PTPRB: variants seen among roughly 807,000 people sequenced by gnomAD.
PTPRB encodes protein tyrosine phosphatase receptor type B, also known as receptor-type tyrosine-protein phosphatase beta.
Under a neutral mutation model 238.1 loss-of-function variants are expected in PTPRB, and 97 were observed. That is an observed-to-expected ratio of 0.41 (90% CI 0.35 to 0.48). The LOEUF (loss-of-function observed/expected upper bound fraction) is 0.48. Among genes scored for constraint, PTPRB ranks in the 20% least tolerant of loss-of-function variants. PTPRB has a pLI of 0.30. For synonymous variants in PTPRB, 970 were observed against 995.4 expected (o/e 0.97, Z 0.48); for missense variants, 2,292 against 2,681.9 (o/e 0.85, Z 3.21).
intron 20 of PTPRB, among the ~76,000 whole-genome samples, chr12:70,553,326 T>C (rs1266520648): frequency 2.6e-5 from 4 of 152,178 alleles, no homozygotes; most frequent in Non-Finnish European, 5.9e-5. Context: ...CTCCAGAGTG[T>C]TGGACAACTC....
chr12:70,541,360 TTG>T (rs1875080117), intron 22 of PTPRB: 2 of 157,954 alleles, frequency 1.3e-5, no homozygotes, highest in African/African-American at 4.8e-5. Context: ...AGTGGATTGC[TTG>T]GAGCTATTCT....
intron 13 of PTPRB, among the ~76,000 whole-genome samples, chr12:70,570,377 C>G (rs56085184): frequency 0.21 from 32,407 of 151,904 alleles, 3,818 homozygotes; most frequent in African/African-American, 0.32. Context: ...GGTAGGGTCT[C>G]TGTCTGTTGT....
At chr12:70,595,770 G>A (rs1882955943) in intron 5 of PTPRB, among the ~76,000 whole-genome samples, 1 of 152,142 alleles carries the variant, frequency 6.6e-6, no homozygotes, top group Non-Finnish European at 1.5e-5. Context: ...TGAGTTAGAA[G>A]GGCCATTAGG....
chr12:70,571,069 A>T lies in PTPRB; in HGVS notation c.3327T>A (p.Ile1109=), dbSNP rs759122884. Residue 1109 remains isoleucine (I), a synonymous_variant, in exon 13 of 34, where the codon ATT becomes ATA. Coordinates refer to ENST00000334414, the MANE Select transcript of PTPRB (RefSeq NM_001109754.4). ...AGGCTGACTGCTGTACATCCCCGCT[A>T]ATCGTCAAGACAAGAATTTTGTATT... is the stretch of plus-strand genomic sequence containing the variant. ...GRQYKILVLT[I]SGDVQQSAFI... is the part of the protein sequence containing the mutation. The T allele has an allele frequency of 1.2e-6, 2 of 1,613,858 alleles. No individual in the cohort carries two copies. The highest frequency in any genetic ancestry group is 2.7e-5 in the African/African-American group (2 of 74,918).
chr12:70,623,224 A>C (rs1004779638), intron 2 of PTPRB, among the ~76,000 whole-genome samples: 1 of 152,176 alleles, frequency 6.6e-6, no homozygotes, highest in Admixed American at 6.5e-5. Flanking sequence ...TGAGTTACAA[A>C]TGATGAGACT....
rs377315655 is a variant in PTPRB, at chr12:70,615,167, C to T, written c.709-5828G>A. On this transcript the variant is annotated intron_variant, in intron 3 of 33. Coordinates refer to ENST00000334414, the MANE Select transcript of PTPRB (RefSeq NM_001109754.4). ...ACATTAAAATAAACAATGAATGCTGCGCAGTCGGTAAAATTAGAGAATGAC... is the reference window on the plus strand; with the variant it reads ...ACATTAAAATAAACAATGAATGCTGTGCAGTCGGTAAAATTAGAGAATGAC... 8.7e-4 allele frequency among the ~76,000 whole-genome samples: 132 copies of T among 152,250 alleles called. 1 individual carries two copies. The highest frequency in any genetic ancestry group is 3.0e-3 in the African/African-American group (124 of 41,544).
rs1041503497 is a variant in PTPRB, at chr12:70,581,358, T to G, written c.2312-56A>C. ...GACACTTAGTCACCTTAAGAAAGTG[T>G]AAGAAAAATGAGTCAAAAAATGGAG... On this transcript the variant is annotated intron_variant, in intron 9 of 33. Transcript: ENST00000334414. 4.6e-6 allele frequency: 7 copies of G among 1,510,914 alleles called. No homozygotes were observed. The Admixed American group carries it at 1.6e-4, about 34-fold the overall frequency. 93.6% of individuals were successfully genotyped at this position (1,510,914 alleles called of 1,614,324 possible).
At chr12:70,556,254 G>C in intron 18 of PTPRB, 106 bp from the exon 19 acceptor site, 1 of 1,030,112 alleles carries the variant, frequency 9.7e-7, no homozygotes, top group Non-Finnish European at 1.4e-6. Flanking sequence ...AGGAGGGACA[G>C]ACAGGCAAAT....
rs1451187904 is a variant in PTPRB, at chr12:70,589,981, C to T, written c.2033G>A (p.Arg678His). The T allele has an allele frequency of 2.5e-6, 4 of 1,613,646 alleles. No homozygotes were observed. The South Asian group carries it at 3.3e-5, about 13-fold the overall frequency. ...VESGNLKNSE[R>H]CQGRTVPLAV... Reference sequence around the variant, plus strand: ...TTGCCTACCTGTCCTGCCTTGGCAACGCTCAGAATTCTTCAAATTTCCACT... The same window carrying T: ...TTGCCTACCTGTCCTGCCTTGGCAATGCTCAGAATTCTTCAAATTTCCACT... Residue 678 changes from arginine to histidine, a missense_variant, in exon 8 of 34, where the codon CGT (arginine) becomes CAT (histidine). Arg to His is a conservative substitution (Grantham distance 29). Coordinates refer to ENST00000334414, the MANE Select transcript of PTPRB (RefSeq NM_001109754.4).
intron 20 of PTPRB, among the ~76,000 whole-genome samples, chr12:70,554,118 C>G (rs761414310): frequency 7.9e-5 from 12 of 152,132 alleles, no homozygotes; most frequent in Non-Finnish European, 1.5e-4. Context: ...CACCACTGAC[C>G]CTTGAAATTA....
intron 3 of PTPRB, among the ~76,000 whole-genome samples, chr12:70,614,272 A>G (rs1884585336): frequency 6.6e-6 from 1 of 152,184 alleles, no homozygotes; most frequent in East Asian, 1.9e-4. Flanking sequence ...GTCTCAGATT[A>G]TACCCTAAAC....
intron 9 of PTPRB, among the ~76,000 whole-genome samples, chr12:70,586,245 A>G (rs2567157): frequency 6.6e-6 from 1 of 152,110 alleles, no homozygotes; most frequent in Non-Finnish European, 1.5e-5. Flanking sequence ...AATGGTTGAA[A>G]TAGTTTACAG....
At chr12:70,555,774 G>A (rs1877565259) in intron 19 of PTPRB, 96 bp downstream of exon 19, 4 of 1,429,080 alleles carry the variant, frequency 2.8e-6, no homozygotes, top group Non-Finnish European at 3.8e-6. Context: ...TGAAGTGTAT[G>A]CAAGTGAATA....
chr12:70,554,532 A>G (rs1419218631), intron 20 of PTPRB, among the ~76,000 whole-genome samples: 1 of 152,244 alleles, frequency 6.6e-6, no homozygotes, highest in Non-Finnish European at 1.5e-5. Flanking sequence ...TGATGTTGTG[A>G]TAACTATTCC....
chr12:70,531,327 G>T (rs1441476543), intron 32 of PTPRB, among the ~76,000 whole-genome samples: 1 of 152,006 alleles, frequency 6.6e-6, no homozygotes. Flanking sequence ...TAATACAGAG[G>T]ATTTTGCTTA....
chr12:70,569,578 A>G (rs1879767612), intron 14 of PTPRB, 97 bp downstream of exon 14: 2 of 1,456,640 alleles, frequency 1.4e-6, no homozygotes, highest in South Asian at 2.4e-5. Context: ...TGGTGGTTTT[A>G]AATCTGGATT....
At chr12:70,628,877 T>C in intron 2 of PTPRB, among the ~76,000 whole-genome samples, 1 of 152,126 alleles carries the variant, frequency 6.6e-6, no homozygotes, top group African/African-American at 2.4e-5. Flanking sequence ...CTGTAACATT[T>C]GATTGCTTGG....
intron 11 of PTPRB, among the ~76,000 whole-genome samples, chr12:70,572,496 G>A (rs1416471559): frequency 6.6e-6 from 1 of 151,758 alleles, no homozygotes; most frequent in Admixed American, 6.6e-5. Flanking sequence ...GGCTATGCAT[G>A]GTGGCTCACA....
At chr12:70,537,969 GA>G in intron 28 of PTPRB, 185 bp downstream of exon 28, 1 of 515,996 alleles carries the variant, frequency 1.9e-6, no homozygotes, top group South Asian at 3.2e-5. Context: ...TAGCCATTGT[GA>G]AAAATGTGGC....
Sources: gnomAD v4.1 joint callset for allele counts (sites outside exome capture counted in the v4.1 genomes callset) on GRCh38, gnomAD v4.1.1 for gene constraint, MANE v1.5 for transcripts, NCBI Gene and HGNC (gene_info 2026-07-23, HGNC 2026-07-21) for gene names.